The following RAB3GAP2 variants were observed in gnomAD, a reference collection of about 807,000 sequenced individuals.
RAB3GAP2 encodes the protein rab3 GTPase-activating protein non-catalytic subunit.
A neutral mutation model predicts 185.3 loss-of-function variants in RAB3GAP2; 87 were observed. The ratio of observed to expected loss-of-function variants is 0.47; its 90% CI spans 0.39 to 0.56. RAB3GAP2 has a LOEUF of 0.56. Ranked by LOEUF, RAB3GAP2 falls within the 20% of genes least tolerant of loss-of-function variation. RAB3GAP2 has a pLI of 0.00. For missense variants in RAB3GAP2, 1,492 were observed against 1,638.2 expected (o/e 0.91, Z 1.54); for synonymous variants, 554 against 576.1 (o/e 0.96, Z 0.55).
chr1:220,254,830 T>G (rs1042428865), intron 1 of RAB3GAP2, among the ~76,000 whole-genome samples: 2 of 152,122 alleles, frequency 1.3e-5, no homozygotes, highest in African/African-American at 4.8e-5. Flanking sequence ...TGCTGGTGGT[T>G]CTATTCCTTT....
chr1:220,261,723 A>C (rs1365595891), intron 1 of RAB3GAP2, among the ~76,000 whole-genome samples: 2 of 152,174 alleles, frequency 1.3e-5, no homozygotes, highest in Non-Finnish European at 2.9e-5. Flanking sequence ...GCTACCAAAT[A>C]TATCTGTTTA....
chr1:220,254,094 T>C (rs1571931125), intron 1 of RAB3GAP2: 1 of 1,613,896 alleles, frequency 6.2e-7, no homozygotes, highest in Non-Finnish European at 8.5e-7. Flanking sequence ...GGGACTTAAT[T>C]ACCAGGCAAA....
intron 9 of RAB3GAP2, 123 bp from the exon 10 acceptor site, chr1:220,196,521 A>C (rs1410402651): frequency 9.8e-7 from 1 of 1,025,478 alleles, no homozygotes; most frequent in African/African-American, 1.6e-5. Context: ...TCATTTTAAA[A>C]GCTACAAAGT....
At chr1:220,268,634 C>A (rs1321010732) in intron 1 of RAB3GAP2, among the ~76,000 whole-genome samples, 1 of 152,222 alleles carries the variant, frequency 6.6e-6, no homozygotes, top group African/African-American at 2.4e-5. Flanking sequence ...TACAAAGGGG[C>A]TCACTGGTGA....
chr1:220,171,032 A>G lies in RAB3GAP2; in HGVS notation c.2666T>C (p.Leu889Pro), dbSNP rs1292291354. The G allele has an allele frequency of 6.2e-7, 1 of 1,614,148 alleles. No homozygotes were observed. Among genetic ancestry groups the G allele is most frequent in the East Asian group, 2.2e-5 (1 of 44,880 alleles). The change falls in exon 24 of 35, where the codon CTT becomes CCT. Residue 889 changes from leucine to proline, a missense_variant. This residue lies in a region of RAB3GAP2 where 681 missense variants were observed against 689.1 expected (regional missense o/e 0.99). Transcript: ENST00000358951. ...GAGACAATCCTCCAGCTGTTTCAGA[A>G]GGAGTTTCCAGTACTCAGTGTCAAG... ...LSLDTEYWKL[L>P]LKQLEDCLIL...
At chr1:220,208,740 G>T (rs952180478) in intron 7 of RAB3GAP2, among the ~76,000 whole-genome samples, 2 of 150,074 alleles carry the variant, frequency 1.3e-5, no homozygotes, top group African/African-American at 4.9e-5. Context: ...TTTTTGAGAC[G>T]GAGTCTCGCT....
At chr1:220,250,885 C>T (rs1207846112) in intron 1 of RAB3GAP2, among the ~76,000 whole-genome samples, 1 of 152,204 alleles carries the variant, frequency 6.6e-6, no homozygotes, top group Non-Finnish European at 1.5e-5. Flanking sequence ...ACTGTGTTTC[C>T]TGAGGCCTCC....
At chr1:220,235,354 C>A (rs754242652) in intron 1 of RAB3GAP2, among the ~76,000 whole-genome samples, 3 of 152,122 alleles carry the variant, frequency 2.0e-5, no homozygotes, top group Non-Finnish European at 4.4e-5. Context: ...AGGCAGGCAA[C>A]AAGGCTATCC....
Position 220,172,744 on chromosome 1 carries a change from T to C in RAB3GAP2, c.2311-2A>G. On this transcript the variant is annotated splice_acceptor_variant, in intron 21 of 34. Coordinates refer to ENST00000358951, the MANE Select transcript of RAB3GAP2 (RefSeq NM_012414.4). LOFTEE classifies it high-confidence loss of function. ...AAGCCAAACACTCAGGAGCAGAGAC[T>C]GAAATCAAATTTAAATCTTTTTCAG... 1 of 1,596,124 alleles carries C rather than the reference T, an allele frequency of 6.3e-7. No individual in the cohort carries two copies. The highest frequency in any genetic ancestry group is 8.6e-7 in the Non-Finnish European group (1 of 1,163,718).
chr1:220,175,085 A>G (rs1430215625), intron 21 of RAB3GAP2, among the ~76,000 whole-genome samples: 1 of 152,198 alleles, frequency 6.6e-6, no homozygotes, highest in Non-Finnish European at 1.5e-5. Flanking sequence ...GAAGCAAATC[A>G]AAAAGAAATG....
At chr1:220,222,185 T>C (rs1659320550) in intron 2 of RAB3GAP2, among the ~76,000 whole-genome samples, 1 of 152,236 alleles carries the variant, frequency 6.6e-6, no homozygotes, top group Non-Finnish European at 1.5e-5. Context: ...AAAGTAAACA[T>C]CACTATATTA....
chr1:220,233,839 T>C (rs1165684697), intron 1 of RAB3GAP2, among the ~76,000 whole-genome samples: 1 of 152,164 alleles, frequency 6.6e-6, no homozygotes, highest in Admixed American at 6.5e-5. Context: ...TAGCTGGGAC[T>C]ACAGGCACCT....
At chr1:220,172,772 T>A in intron 21 of RAB3GAP2, 30 bp from the exon 22 acceptor site, 2 of 1,489,510 alleles carry the variant, frequency 1.3e-6, no homozygotes, top group Non-Finnish European at 1.9e-6. Context: ...TTTTTCAGTC[T>A]AAAAAAAAAT....
At chr1:220,229,421 T>C (rs1237781933) in intron 2 of RAB3GAP2, among the ~76,000 whole-genome samples, 1 of 152,230 alleles carries the variant, frequency 6.6e-6, no homozygotes, top group Non-Finnish European at 1.5e-5. Context: ...GCCTACTTGC[T>C]TCTCTGACCC....
At chr1:220,159,158 A>G (rs1032432763) in intron 29 of RAB3GAP2, among the ~76,000 whole-genome samples, 1 of 152,242 alleles carries the variant, frequency 6.6e-6, no homozygotes, top group African/African-American at 2.4e-5. Context: ...ACAACATCTT[A>G]TAAAAACCTA....
chr1:220,163,744 C>CATACATACATATATATAT (rs775527991), intron 27 of RAB3GAP2, among the ~76,000 whole-genome samples: 6 of 123,024 alleles, frequency 4.9e-5, no homozygotes, highest in African/African-American at 1.6e-4. Context: ...TAAATACATA[C>CATACATACATATATATAT]ATATATATAT....
chr1:220,189,578 A>T, intron 17 of RAB3GAP2, 125 bp downstream of exon 17: 1 of 942,708 alleles, frequency 1.1e-6, no homozygotes, highest in Non-Finnish European at 1.5e-6. Context: ...AAAGGGATAA[A>T]CAATAAAAAT....
chr1:220,174,019 C>CAAAAAA (rs398050108), intron 21 of RAB3GAP2, among the ~76,000 whole-genome samples: 10 of 50,784 alleles, frequency 2.0e-4, no homozygotes, highest in African/African-American at 3.0e-4. Context: ...GACTCTGTCT[C>CAAAAAA]AAAAAAAAAA....
intron 21 of RAB3GAP2, among the ~76,000 whole-genome samples, chr1:220,180,199 C>G (rs1658375355): frequency 6.6e-6 from 1 of 151,836 alleles, no homozygotes; most frequent in East Asian, 1.9e-4. Flanking sequence ...GTAATAAACA[C>G]CTCAATAAAA....
Sources: allele counts gnomAD v4.1 joint callset (sites outside exome capture counted in the v4.1 genomes callset), GRCh38; gene constraint gnomAD v4.1.1; regional missense constraint gnomAD v4.1.1; transcripts MANE v1.5; gene names NCBI Gene and HGNC (gene_info 2026-07-23, HGNC 2026-07-21).